STPG2: variants seen among roughly 807,000 people sequenced by gnomAD.
The protein encoded by STPG2 is sperm tail PG-rich repeat containing 2.
In STPG2, 56 loss-of-function variants were observed where a neutral mutation model predicts 54.2. The observed-to-expected ratio is 1.03, with a 90% CI of 0.83 to 1.29. STPG2 has a LOEUF of 1.29. Among genes scored for constraint, STPG2 ranks in the 50% most tolerant of loss-of-function variants. STPG2 has a pLI of 0.00. For missense variants in STPG2, 596 were observed against 544.9 expected (o/e 1.09, Z -0.93); for synonymous variants, 200 against 181.8 (o/e 1.10, Z -0.81).
intron 7 of STPG2, among the ~76,000 whole-genome samples, chr4:97,946,729 TC>T (rs1733239401): frequency 6.6e-6 from 1 of 152,188 alleles, no homozygotes; most frequent in Non-Finnish European, 1.5e-5. Context: ...TTCTGCATTC[TC>T]TATTCTGATC....
intron 9 of STPG2, among the ~76,000 whole-genome samples, chr4:97,833,821 C>T (rs955288029): frequency 2.0e-5 from 3 of 152,088 alleles, no homozygotes; most frequent in African/African-American, 4.8e-5. Flanking sequence ...TACCATCTCA[C>T]GCCAGTTAGA....
At chr4:97,769,200 G>C (rs1726149245) in intron 9 of STPG2, among the ~76,000 whole-genome samples, 1 of 152,114 alleles carries the variant, frequency 6.6e-6, no homozygotes, top group Non-Finnish European at 1.5e-5. Flanking sequence ...TTTATACTTA[G>C]TTTACAGTAT....
intron 10 of STPG2, among the ~76,000 whole-genome samples, chr4:97,568,439 A>C (rs1406024833): frequency 6.6e-6 from 1 of 152,132 alleles, no homozygotes; most frequent in African/African-American, 2.4e-5. Context: ...AGAGCCCTGT[A>C]GTGGGTGATC....
intron 4 of STPG2, among the ~76,000 whole-genome samples, chr4:97,456,740 C>A (rs1251290474): frequency 6.6e-6 from 1 of 150,872 alleles, no homozygotes; most frequent in Non-Finnish European, 1.5e-5. Context: ...CTAAAAAATA[C>A]AAAAAATTAG....
chr4:98,021,444 T>G (rs1174191987), intron 5 of STPG2, among the ~76,000 whole-genome samples: 1 of 151,452 alleles, frequency 6.6e-6, no homozygotes, highest in Non-Finnish European at 1.5e-5. Flanking sequence ...TCCAACTATG[T>G]GGTCAATTTT....
chr4:98,052,056 C>G (rs1737339405), intron 5 of STPG2, among the ~76,000 whole-genome samples: 1 of 120,250 alleles, frequency 8.3e-6, no homozygotes, highest in Non-Finnish European at 1.8e-5. Flanking sequence ...CATTGCACTC[C>G]AGCCTGGGCC....
intron 9 of STPG2, among the ~76,000 whole-genome samples, chr4:97,831,028 A>G (rs1252501245): frequency 6.6e-6 from 1 of 152,226 alleles, no homozygotes; most frequent in Non-Finnish European, 1.5e-5. Flanking sequence ...TGGACCTAAA[A>G]GACATTTACA....
intron 9 of STPG2, among the ~76,000 whole-genome samples, chr4:97,738,113 A>G (rs1410005006): frequency 2.0e-5 from 3 of 152,144 alleles, no homozygotes; most frequent in African/African-American, 4.8e-5. Flanking sequence ...GCCAAACTAA[A>G]CTTCATAAGT....
At chr4:97,678,591 A>T (rs1722928520) in intron 10 of STPG2, among the ~76,000 whole-genome samples, 2 of 150,990 alleles carry the variant, frequency 1.3e-5, no homozygotes, top group Non-Finnish European at 3.0e-5. Context: ...CATTTTATTT[A>T]TTTTTTATTT....
At chr4:98,074,854 T>C (rs1738111479) in intron 5 of STPG2, among the ~76,000 whole-genome samples, 1 of 152,216 alleles carries the variant, frequency 6.6e-6, no homozygotes, top group South Asian at 2.1e-4. Context: ...ATCACAATTA[T>C]CTTAAAGTTT....
At chr4:98,026,298 T>TA in intron 5 of STPG2, 1 of 679,422 alleles carries the variant, frequency 1.5e-6, no homozygotes, top group Non-Finnish European at 2.6e-6. Context: ...GATTTTCAGA[T>TA]AAAGACAATA....
At chr4:97,593,535 C>A (rs1157414147) in intron 10 of STPG2, among the ~76,000 whole-genome samples, 1 of 152,142 alleles carries the variant, frequency 6.6e-6, no homozygotes, top group Non-Finnish European at 1.5e-5. Context: ...ACCATCACTG[C>A]ATGGGTGAGC....
intron 4 of STPG2, among the ~76,000 whole-genome samples, chr4:97,531,590 T>C (rs1731415211): frequency 6.6e-6 from 1 of 152,174 alleles, no homozygotes; most frequent in East Asian, 1.9e-4. Flanking sequence ...CATTATGTTA[T>C]GTGAGATAAG....
chr4:98,103,551 G>C (rs1739106071), intron 5 of STPG2, among the ~76,000 whole-genome samples: 1 of 151,986 alleles, frequency 6.6e-6, no homozygotes, highest in Non-Finnish European at 1.5e-5. Context: ...TGAGGCAGCA[G>C]AATCGCTTGA....
At chr4:97,507,047 T>A (rs1730859522) in intron 4 of STPG2, among the ~76,000 whole-genome samples, 1 of 151,896 alleles carries the variant, frequency 6.6e-6, no homozygotes, top group Non-Finnish European at 1.5e-5. Flanking sequence ...GACATAGGAC[T>A]GGGTGTGGTA....
At chr4:98,045,509 G>T (rs1413681840) in intron 5 of STPG2, among the ~76,000 whole-genome samples, 1 of 151,954 alleles carries the variant, frequency 6.6e-6, no homozygotes, top group Non-Finnish European at 1.5e-5. Context: ...AATTCCCTTT[G>T]GCATTTCTTG....
intron 5 of STPG2, among the ~76,000 whole-genome samples, chr4:98,060,895 T>C (rs779132240): frequency 6.6e-6 from 1 of 152,172 alleles, no homozygotes. Context: ...ACCCCTTCCT[T>C]TTGCCATATA....
chr4:97,722,919 T>A (rs2149017562), intron 9 of STPG2, among the ~76,000 whole-genome samples: 1 of 150,580 alleles, frequency 6.6e-6, no homozygotes, highest in Admixed American at 6.6e-5. Flanking sequence ...TGCCTCAGCC[T>A]CCTGAGTAGC....
intron 10 of STPG2, among the ~76,000 whole-genome samples, chr4:97,636,365 A>C (rs1182999489): frequency 2.9e-5 from 4 of 138,568 alleles, no homozygotes; most frequent in African/African-American, 1.0e-4. Flanking sequence ...AATTTATAGC[A>C]TTAAATGCCC....
Sources: gnomAD v4.1 joint callset for allele counts (sites outside exome capture counted in the v4.1 genomes callset) on GRCh38, gnomAD v4.1.1 for gene constraint, MANE v1.5 for transcripts, NCBI Gene and HGNC (gene_info 2026-07-23, HGNC 2026-07-21) for gene names.